Variants in FFAR4 observed in about 807,000 individuals in gnomAD.
FFAR4 encodes free fatty acid receptor 4, also known as G-protein coupled receptor 120.
In FFAR4, 19 loss-of-function variants were observed where a neutral mutation model predicts 27.0. The observed-to-expected ratio is 0.70, with a 90% CI of 0.49 to 1.03. The LOEUF is 1.03. Among genes scored for constraint, FFAR4 ranks in the 50% least tolerant of loss-of-function variants. FFAR4 has a pLI of 0.00. For synonymous variants in FFAR4, 254 were observed against 215.6 expected, an observed-to-expected ratio of 1.18 and a Z score of -1.56; for missense variants, 476 against 479.0, an observed-to-expected ratio of 0.99 and a Z score of 0.06.
At chr10:93,569,644 G>A (rs1471869297) in intron 1 of FFAR4, among the ~76,000 whole-genome samples, 1 of 152,038 alleles carries the variant, frequency 6.6e-6, no homozygotes, top group Non-Finnish European at 1.5e-5. Context: ...AGGGATTTGG[G>A]CAAAGCCACT....
At chr10:93,585,890 A>G (rs2058224143) in intron 2 of FFAR4, among the ~76,000 whole-genome samples, 2 of 152,164 alleles carry the variant, frequency 1.3e-5, no homozygotes, top group South Asian at 4.1e-4. Flanking sequence ...GCCCCAGCAA[A>G]TGAGCAGCCT....
In FFAR4 at chr10:93,566,877, G is replaced by A. The variant is rs371726180; in HGVS notation, c.157G>A (p.Val53Met). ...AACCGTGCTGGTGCTCATCTTTGCA[G>A]TGTCGCTGCTGGGCAACGTGTGCGC... Reference protein sequence around the residue: ...ETTVLVLIFAVSLLGNVCALV... With the variant: ...ETTVLVLIFAMSLLGNVCALV... Residue 53 changes from valine to methionine, a missense_variant, in exon 1 of 3, where the codon GTG (valine) becomes ATG (methionine). Coordinates refer to ENST00000371481, the MANE Select transcript of FFAR4 (RefSeq NM_001195755.2). The A allele has an allele frequency of 1.2e-6, 2 of 1,603,974 alleles. No individual in the cohort carries two copies. Among genetic ancestry groups the A allele is most frequent in the Non-Finnish European group, 1.7e-6 (2 of 1,176,670 alleles).
In FFAR4 at chr10:93,574,861, C is replaced by T. The variant is rs142630708; in HGVS notation, c.568-1230C>T. On this transcript the variant is annotated intron_variant, in intron 1 of 2. Transcript: ENST00000371481. ...TTGCAGTGAGCCGAGATCGCGCCAC[C>T]GCACTCCAGACTGGCAACAAAGTGA... Among the ~76,000 whole-genome samples, 551 of 152,128 alleles carry T rather than the reference C, an allele frequency of 3.6e-3. 3 individuals are homozygous for T. The highest frequency in any genetic ancestry group is 0.01 in the African/African-American group (431 of 41,500).
At position 93,566,949 on chromosome 10, in the gene FFAR4, C is replaced by CTGG. The variant is rs746201628; in HGVS notation, c.231_233dup (p.Val78dup). 1 of 1,610,922 alleles carries CTGG rather than the reference C, an allele frequency of 6.2e-7. No individual in the cohort carries two copies. The highest frequency in any genetic ancestry group is 8.5e-7 in the Non-Finnish European group (1 of 1,179,528). The stretch of plus-strand genomic sequence containing the variant: ...ACGACGCCGCGGCGCGACTGCCTGC[C>CTGG]TGGTACTCAACCTCTTCTGCGCGGA... On this transcript the variant is annotated inframe_insertion, in exon 1 of 3. Coordinates refer to ENST00000371481, the MANE Select transcript of FFAR4 (RefSeq NM_001195755.2).
At position 93,585,639 on chromosome 10, in the gene FFAR4, C is replaced by A. The variant is rs138431194; in HGVS notation, c.697-1581C>A. ...CTGCCCTGGCAGTGGTCTGGTCTCCCACAAGGACAAGGAACTTGCATGATT... is the reference window on the plus strand; with the variant it reads ...CTGCCCTGGCAGTGGTCTGGTCTCCAACAAGGACAAGGAACTTGCATGATT... On this transcript the variant is annotated intron_variant, in intron 2 of 2. Coordinates refer to ENST00000371481, the MANE Select transcript of FFAR4 (RefSeq NM_001195755.2). 6.1e-3 allele frequency among the ~76,000 whole-genome samples: 935 copies of A among 152,320 alleles called. 10 individuals carry two copies. The highest frequency in any genetic ancestry group is 0.027 in the Middle Eastern group (8 of 294).
intron 1 of FFAR4, 48 bp from the exon 2 acceptor site, chr10:93,576,043 A>G (rs1165249076): frequency 7.5e-6 from 12 of 1,606,468 alleles, no homozygotes; most frequent in Non-Finnish European, 8.5e-6. Context: ...GCCAGAGGCC[A>G]ATAAGAAGCC....
At chr10:93,575,859 G>T in intron 1 of FFAR4, among the ~76,000 whole-genome samples, 1 of 152,124 alleles carries the variant, frequency 6.6e-6, no homozygotes, top group Non-Finnish European at 1.5e-5. Flanking sequence ...AGGCTCAGTT[G>T]CTGTCCCTGG....
At chr10:93,574,855 C>T (rs968323099) in intron 1 of FFAR4, among the ~76,000 whole-genome samples, 4 of 151,998 alleles carry the variant, frequency 2.6e-5, no homozygotes, top group South Asian at 4.2e-4. Context: ...GCCGAGATCG[C>T]GCCACCGCAC....
rs142268638 is a variant in FFAR4, at chr10:93,568,088, T to G, written c.567+801T>G. On this transcript the variant is annotated intron_variant, in intron 1 of 2. Transcript: ENST00000371481. Reference sequence around the variant, plus strand: ...GATCGGAATAAGGTTCTGCGGATAGTGCAGGACATTGGCTCTGTTCCCCTC... The same window carrying G: ...GATCGGAATAAGGTTCTGCGGATAGGGCAGGACATTGGCTCTGTTCCCCTC... Among the ~76,000 whole-genome samples, 86 of 152,300 alleles carry G rather than the reference T, an allele frequency of 5.6e-4. 2 individuals are homozygous for G. The East Asian group carries it at 0.014, about 24-fold the overall frequency.
At chr10:93,580,419 T>C (rs1589678118) in intron 2 of FFAR4, among the ~76,000 whole-genome samples, 1 of 152,200 alleles carries the variant, frequency 6.6e-6, no homozygotes, top group African/African-American at 2.4e-5. Context: ...CACCCTGGTC[T>C]TCTATTGCTC....
Position 93,568,606 on chromosome 10 carries a change from C to A in FFAR4, c.567+1319C>A, listed in dbSNP as rs562050611. ...AGATGCACACAGCCCACCAGGGACACCCCCTGACTGTGTGACCCTCCAGAG... is the reference window on the plus strand; with the variant it reads ...AGATGCACACAGCCCACCAGGGACAACCCCTGACTGTGTGACCCTCCAGAG... On this transcript the variant is annotated intron_variant, in intron 1 of 2. Coordinates refer to ENST00000371481, the MANE Select transcript of FFAR4 (RefSeq NM_001195755.2). Among the ~76,000 whole-genome samples the A allele has an allele frequency of 3.7e-4, 57 of 152,206 alleles. 1 individual carries two copies. Among genetic ancestry groups the A allele is most frequent in the Admixed American group, 3.7e-3 (57 of 15,282 alleles).
chr10:93,577,938 G>A (rs76217759), intron 2 of FFAR4, among the ~76,000 whole-genome samples: 8 of 152,072 alleles, frequency 5.3e-5, no homozygotes, highest in Non-Finnish European at 1.0e-4. Context: ...GCTAAAAACC[G>A]AGCAAGACAC....
chr10:93,567,143 G>T lies in FFAR4; in HGVS notation c.423G>T (p.Val141=), dbSNP rs1260663304. The T allele has an allele frequency of 3.1e-6, 5 of 1,606,492 alleles. No homozygotes were observed. In the East Asian group the frequency reaches 1.1e-4, roughly 36 times the overall value. Residue 141 remains valine (V), a synonymous_variant, in exon 1 of 3, where the codon GTG becomes GTT. Transcript: ENST00000371481. Reference sequence around the variant, plus strand: ...GCCTGGAGCGCATGGTGTGCATCGTGCACCTGCAGCGCGGCGTGCGGGGTC... The same window carrying T: ...GCCTGGAGCGCATGGTGTGCATCGTTCACCTGCAGCGCGGCGTGCGGGGTC... ...AVSLERMVCI[V]HLQRGVRGPG...
intron 1 of FFAR4, among the ~76,000 whole-genome samples, chr10:93,570,744 T>G (rs113175858): frequency 2.0e-5 from 3 of 152,138 alleles, no homozygotes; most frequent in Admixed American, 6.5e-5. Context: ...ACTCTAAAAC[T>G]TCACTGAAGA....
chr10:93,570,786 G>A (rs1054458044), intron 1 of FFAR4, among the ~76,000 whole-genome samples: 1 of 152,162 alleles, frequency 6.6e-6, no homozygotes, highest in Admixed American at 6.6e-5. Context: ...CTAGAAATGT[G>A]AGACAACTTG....
intron 2 of FFAR4, among the ~76,000 whole-genome samples, chr10:93,584,003 C>T (rs2058213702): frequency 6.6e-6 from 1 of 152,208 alleles, no homozygotes; most frequent in Admixed American, 6.5e-5. Context: ...GGTCCCCCAG[C>T]CTGTGCTTAG....
intron 2 of FFAR4, among the ~76,000 whole-genome samples, chr10:93,585,837 C>T (rs2058223899): frequency 6.6e-6 from 1 of 152,210 alleles, no homozygotes; most frequent in Non-Finnish European, 1.5e-5. Context: ...GCAGACCCTT[C>T]CCACACTCAG....
chr10:93,586,760 T>A (rs940891337), intron 2 of FFAR4, among the ~76,000 whole-genome samples: 2 of 152,164 alleles, frequency 1.3e-5, no homozygotes, highest in African/African-American at 4.8e-5. Flanking sequence ...TGTGTGGCAG[T>A]GGTGCATTTC....
At chr10:93,570,363 G>A (rs1183489127) in intron 1 of FFAR4, among the ~76,000 whole-genome samples, 1 of 151,302 alleles carries the variant, frequency 6.6e-6, no homozygotes, top group African/African-American at 2.4e-5. Context: ...AAACAAAGGG[G>A]GAGTGTAGTC....
Sources: allele counts gnomAD v4.1 joint callset (sites outside exome capture counted in the v4.1 genomes callset), GRCh38; gene constraint gnomAD v4.1.1; transcripts MANE v1.5; gene names NCBI Gene and HGNC (gene_info 2026-07-23, HGNC 2026-07-21).